The following UTP4 variants were observed in gnomAD, a reference collection of about 807,000 sequenced individuals.
UTP4 encodes UTP4 small subunit processome component.
UTP4 carries 45 observed loss-of-function variants against 82.4 expected under a neutral mutation model. That is an observed-to-expected ratio of 0.55 (90% CI 0.43 to 0.70). The LOEUF (loss-of-function observed/expected upper bound fraction) is 0.70. Ranked by LOEUF, UTP4 falls within the 30% of genes least tolerant of loss-of-function variation. UTP4 has a pLI of 0.00. For missense variants in UTP4, 819 were observed against 858.3 expected, an observed-to-expected ratio of 0.95 and a Z score of 0.57; for synonymous variants, 348 against 300.3, an observed-to-expected ratio of 1.16 and a Z score of -1.64.
chr16:69,167,090 A>G lies in UTP4; in HGVS notation c.1849A>G (p.Lys617Glu). 3 of 1,613,604 alleles carry G rather than the reference A, an allele frequency of 1.9e-6. No homozygotes were observed. The highest frequency in any genetic ancestry group is 2.5e-6 in the Non-Finnish European group (3 of 1,179,498). ...IDKSLPLPND[K>E]TLLYNPFPPT... ...GTTTTTTTAGCCCCTTCCAAATGACAAAACCTTACTCTACAATCCATTTCC... is the reference window on the plus strand; with the variant it reads ...GTTTTTTTAGCCCCTTCCAAATGACGAAACCTTACTCTACAATCCATTTCC... The change falls in exon 16 of 17, where the codon AAA becomes GAA. Residue 617 changes from lysine to glutamate, a missense_variant. Transcript: ENST00000314423.
At chr16:69,151,747 T>C (rs1270049513) in intron 8 of UTP4, among the ~76,000 whole-genome samples, 1 of 152,062 alleles carries the variant, frequency 6.6e-6, no homozygotes, top group African/African-American at 2.4e-5. Context: ...GCAGGAGATA[T>C]GCAGCAGCAC....
intron 15 of UTP4, 134 bp downstream of exon 15, chr16:69,165,660 A>G (rs1277685210): frequency 3.8e-6 from 3 of 792,136 alleles, no homozygotes; most frequent in Non-Finnish European, 6.4e-6. Flanking sequence ...TAGCTAGTAC[A>G]TTTCTTGGAG....
In UTP4 at chr16:69,168,829, C is replaced by G. The variant is rs532512961; in HGVS notation, c.1953C>G (p.Leu651=). The G allele has an allele frequency of 1.2e-6, 2 of 1,608,198 alleles. No individual in the cohort carries two copies. Among genetic ancestry groups the G allele is most frequent in the Admixed American group, 1.7e-5 (1 of 59,978 alleles). ...TTATCATCCCTCTGCAGCCTCTACTCTTCATGGATCTTTTGGATGAAAGAA... is the reference window on the plus strand; with the variant it reads ...TTATCATCCCTCTGCAGCCTCTACTGTTCATGGATCTTTTGGATGAAAGAA... The part of the protein sequence containing the change: ...FKISKIYKPL[L]FMDLLDERTL... The change falls in exon 17 of 17, where the codon CTC becomes CTG. Residue 651 remains leucine (L), a synonymous_variant. Transcript: ENST00000314423.
chr16:69,160,071 G>T (rs994663991), intron 12 of UTP4, among the ~76,000 whole-genome samples: 2 of 152,116 alleles, frequency 1.3e-5, no homozygotes, highest in Non-Finnish European at 2.9e-5. Flanking sequence ...AGTGGCAGAT[G>T]CTGCCGTCAT....
Position 69,165,386 on chromosome 16 carries a change from C to T in UTP4, c.1693C>T (p.Arg565Trp), listed in dbSNP as rs119465999. The T allele has an allele frequency of 9.8e-4, 1,578 of 1,614,032 alleles. 11 individuals carry two copies. The Admixed American group carries it at 0.015, about 15-fold the overall frequency. Reference protein sequence around the residue: ...IPDKQYTDWSRTVQKQGFHHL... With the variant: ...IPDKQYTDWSWTVQKQGFHHL... ...AGACAAACAGTATACAGATTGGAGC[C>T]GGACTGTCCAGAAGCAGGGCTTTCA... Residue 565 changes from arginine (R) to tryptophan (W), a missense_variant, in exon 15 of 17, where the codon CGG (arginine) becomes TGG (tryptophan). By Grantham distance (101) the Arg-to-Trp change is moderately radical. Transcript: ENST00000314423.
At chr16:69,165,316 T>C in intron 14 of UTP4, 25 bp from the exon 15 acceptor site, 1 of 1,610,844 alleles carries the variant, frequency 6.2e-7, no homozygotes, top group South Asian at 1.1e-5. Flanking sequence ...CAGCCTGCAT[T>C]TCTCTATGTC....
chr16:69,143,149 T>C (rs1227552273), intron 5 of UTP4, 29 bp from the exon 6 acceptor site: 1 of 1,605,834 alleles, frequency 6.2e-7, no homozygotes, highest in Non-Finnish European at 8.5e-7. Context: ...ATAAGTACCA[T>C]TTGAAGGTGT....
intron 9 of UTP4, among the ~76,000 whole-genome samples, chr16:69,153,905 C>T (rs771423860): frequency 2.0e-4 from 30 of 151,706 alleles, no homozygotes; most frequent in Non-Finnish European, 3.4e-4. Context: ...CTAGGTGGTG[C>T]GCTGCAGGGT....
At chr16:69,152,273 CTTATT>C (rs1243603860) in intron 8 of UTP4, among the ~76,000 whole-genome samples, 2 of 151,302 alleles carry the variant, frequency 1.3e-5, no homozygotes, top group Admixed American at 6.6e-5. Context: ...CTTCATTGAT[CTTATT>C]TTATTTTATT....
At chr16:69,133,370 C>A in intron 1 of UTP4, 88 bp from the exon 2 acceptor site, 2 of 1,325,706 alleles carry the variant, frequency 1.5e-6, no homozygotes, top group Non-Finnish European at 2.2e-6. Flanking sequence ...AGCCTTCCAG[C>A]CAGAACAGTG....
At chr16:69,165,067 C>T (rs930023696) in intron 14 of UTP4, among the ~76,000 whole-genome samples, 1 of 151,924 alleles carries the variant, frequency 6.6e-6, no homozygotes, top group African/African-American at 2.4e-5. Context: ...TACTCGTGGG[C>T]GCCTATAGTC....
chr16:69,146,586 T>C lies in UTP4; in HGVS notation c.738+3197T>C, dbSNP rs1245130530. ...GTAAATAATGCTGCTCTAGGCCAGGTGCGGTGGCTCACGCCTGTAATCCCA... is the reference window on the plus strand; with the variant it reads ...GTAAATAATGCTGCTCTAGGCCAGGCGCGGTGGCTCACGCCTGTAATCCCA... On this transcript the variant is annotated intron_variant, in intron 6 of 16. Coordinates refer to ENST00000314423, the MANE Select transcript of UTP4 (RefSeq NM_032830.3). 7.2e-5 allele frequency among the ~76,000 whole-genome samples: 11 copies of C among 152,146 alleles called. No individual in the cohort carries two copies. In the South Asian group the frequency reaches 2.1e-3, roughly 29 times the overall value.
intron 12 of UTP4, 66 bp downstream of exon 12, chr16:69,157,306 A>C: frequency 6.5e-7 from 1 of 1,543,856 alleles, no homozygotes; most frequent in Non-Finnish European, 8.9e-7. Context: ...TTTGCTTTTA[A>C]GCCTCCATGT....
rs775184134 is a variant in UTP4 at position 69,155,971 on chromosome 16, A to C, written c.1265A>C (p.His422Pro). The stretch of plus-strand genomic sequence containing the variant: ...TTTCTCTATCGGCTGAATTATGAAC[A>C]TGACAACATAAGCCTCAAAAGGGTA... Reference protein sequence around the residue: ...RFFLYRLNYEHDNISLKRVSK... With the variant: ...RFFLYRLNYEPDNISLKRVSK... The change falls in exon 11 of 17, where the codon CAT (histidine) becomes CCT (proline). Residue 422 changes from histidine to proline, a missense_variant. His to Pro is a moderately conservative substitution (Grantham distance 77). Coordinates refer to ENST00000314423, the MANE Select transcript of UTP4 (RefSeq NM_032830.3). 4 of 1,614,152 alleles carry C rather than the reference A, an allele frequency of 2.5e-6. No homozygotes were observed. The South Asian group carries it at 4.4e-5, about 18-fold the overall frequency.
intron 5 of UTP4, among the ~76,000 whole-genome samples, chr16:69,140,783 C>G (rs1250102354): frequency 6.6e-6 from 1 of 152,090 alleles, no homozygotes; most frequent in Non-Finnish European, 1.5e-5. Context: ...CTTTTGGTAT[C>G]TATCACTGCA....
rs1405191000 is a variant in UTP4 at position 69,132,678 on chromosome 16, G to A, written c.-14G>A. On this transcript the variant is annotated 5_prime_UTR_variant, in exon 1 of 17. It adds an upstream start codon to the 5' untranslated region. Coordinates refer to ENST00000314423, the MANE Select transcript of UTP4 (RefSeq NM_032830.3). ...AGAGGCGAGCACCGGGAAGGGGAGC[G>A]TGGGGCCGCTGGTGAGTTGGGGAAG... The A allele has an allele frequency of 6.0e-6, 2 of 335,508 alleles. No homozygotes were observed. The highest frequency in any genetic ancestry group is 2.0e-5 in the South Asian group (1 of 49,420). 20.8% of individuals were successfully genotyped at this position (335,508 alleles called of 1,614,324 possible). A position where few individuals can be genotyped will look rare whatever the true frequency, so the allele number is the denominator to read the frequency against.
chr16:69,144,549 C>G (rs915276118), intron 6 of UTP4, among the ~76,000 whole-genome samples: 1 of 152,186 alleles, frequency 6.6e-6, no homozygotes, highest in African/African-American at 2.4e-5. Flanking sequence ...ATTCAGAAAC[C>G]TTTGAGTATT....
chr16:69,149,720 G>A (rs921128969), intron 6 of UTP4, among the ~76,000 whole-genome samples: 2 of 151,920 alleles, frequency 1.3e-5, no homozygotes, highest in African/African-American at 4.8e-5. Context: ...TTTTATTGGT[G>A]TTTCTTGCAT....
Position 69,137,706 on chromosome 16 carries a change from TAGAG to T in UTP4, c.352-90_352-87del, listed in dbSNP as rs529382338. 172 of 764,310 alleles carry T rather than the reference TAGAG, an allele frequency of 2.3e-4. 2 individuals carry two copies. The African/African-American group carries it at 2.5e-3, about 11-fold the overall frequency. 47.3% of individuals were successfully genotyped at this position (764,310 alleles called of 1,614,324 possible). A position where few individuals can be genotyped will look rare whatever the true frequency, so the allele number is the denominator to read the frequency against. On this transcript the variant is annotated intron_variant, in intron 3 of 16. Transcript: ENST00000314423. ...GATAGCTTTAAGGAGGAAGAGAGAATAGAGAGAGTGTGTGTTGGGGGGTGTGTGT... is the reference window on the plus strand; with the variant it reads ...GATAGCTTTAAGGAGGAAGAGAGAATAGAGTGTGTGTTGGGGGGTGTGTGT...
Sources: gnomAD v4.1 joint callset for allele counts (sites outside exome capture counted in the v4.1 genomes callset) on GRCh38, gnomAD v4.1.1 for gene constraint, MANE v1.5 for transcripts, NCBI Gene and HGNC (gene_info 2026-07-23, HGNC 2026-07-21) for gene names.